SH2B2: variants seen among roughly 807,000 people sequenced by gnomAD.
SH2B2 encodes SH2B adapter protein 2.
Under a neutral mutation model 35.7 loss-of-function variants are expected in SH2B2, and 37 were observed. The ratio of observed to expected loss-of-function variants is 1.04; its 90% CI spans 0.80 to 1.36. The LOEUF (loss-of-function observed/expected upper bound fraction) is 1.36, where lower values mean the gene tolerates loss of function less well. Among genes scored for constraint, SH2B2 ranks in the 40% most tolerant of loss-of-function variants. SH2B2 has a pLI of 0.00. For missense variants in SH2B2, 852 were observed against 817.7 expected (o/e 1.04, Z -0.51); for synonymous variants, 383 against 376.4 (o/e 1.02, Z -0.20).
chr7:102,285,745 C>T (rs1792419144), upstream of SH2B2, among the ~76,000 whole-genome samples: 1 of 152,210 alleles, frequency 6.6e-6, no homozygotes, highest in African/African-American at 2.4e-5. Context: ...GAGGCAGCTC[C>T]GGCTGGCAAG....
At position 102,321,312 on chromosome 7, in the gene SH2B2, G is replaced by A; in HGVS notation, c.1581G>A (p.Thr527=). ...GCCTTGTTGCAGAGCCGGGCCCCACGCCCCCTGCCGCGCCCGCGTCCCCGG... is the reference window on the plus strand; with the variant it reads ...GCCTTGTTGCAGAGCCGGGCCCCACACCCCCTGCCGCGCCCGCGTCCCCGG... The part of the protein sequence containing the change: ...AQDPPPEPGP[T]PPAAPASPAC... The change falls in exon 9 of 9, where the codon ACG becomes ACA. Residue 527 remains threonine, a synonymous_variant. Transcript: ENST00000444095. The A allele has an allele frequency of 7.1e-7, 1 of 1,415,338 alleles. No homozygotes were observed. Among genetic ancestry groups the A allele is most frequent in the Non-Finnish European group, 9.2e-7 (1 of 1,090,008 alleles). The allele number at this position is 1,415,338 out of a possible 1,614,324, so 87.7% of individuals were successfully genotyped here. A position where few individuals can be genotyped will look rare whatever the true frequency, so the allele number is the denominator to read the frequency against.
intron 1 of SH2B2, among the ~76,000 whole-genome samples, chr7:102,296,963 T>C (rs1474392881): frequency 2.0e-5 from 3 of 151,742 alleles, no homozygotes; most frequent in African/African-American, 7.3e-5. Context: ...TGGGAGACAC[T>C]GCAAGACTCT....
At chr7:102,320,613 T>G in intron 8 of SH2B2, 111 bp downstream of exon 8, 1 of 1,379,372 alleles carries the variant, frequency 7.2e-7, no homozygotes, top group Non-Finnish European at 9.7e-7. Flanking sequence ...TCCCATAGCC[T>G]CAGCCGTGTC....
intron 4 of SH2B2, among the ~76,000 whole-genome samples, chr7:102,313,217 C>T (rs1255701787): frequency 1.3e-4 from 19 of 147,960 alleles, no homozygotes; most frequent in African/African-American, 4.5e-4. Context: ...GAGGCCAAGG[C>T]GGGCAGATCA....
intron 1 of SH2B2, among the ~76,000 whole-genome samples, chr7:102,293,472 A>G (rs1367866313): frequency 7.1e-6 from 1 of 141,108 alleles, no homozygotes; most frequent in African/African-American, 3.1e-5. Flanking sequence ...GAGATGGGGA[A>G]AAAAAAAACA....
At chr7:102,308,780 C>T (rs1793500123) in intron 3 of SH2B2, 35 bp from the exon 4 acceptor site, 1 of 1,526,098 alleles carries the variant, frequency 6.6e-7, no homozygotes, top group Non-Finnish European at 9.1e-7. Flanking sequence ...CATCTGCTGA[C>T]CGTGTTCTGC....
Position 102,321,398 on chromosome 7 carries a change from C to G in SH2B2, c.1667C>G (p.Pro556Arg). 7.3e-7 allele frequency: 1 copy of G among 1,373,916 alleles called. No homozygotes were observed. Among genetic ancestry groups the G allele is most frequent in the Non-Finnish European group, 9.4e-7 (1 of 1,062,494 alleles). 85.1% of individuals were successfully genotyped at this position (1,373,916 alleles called of 1,614,324 possible). A position where few individuals can be genotyped will look rare whatever the true frequency, so the allele number is the denominator to read the frequency against. ...TCCAGCCTCGCCGCGGCCGCCTGCC[C>G]GCCTGCCTCGCCCTCCGACGCCGCC... is the stretch of plus-strand genomic sequence containing the variant. ...YFSSLAAAAC[P>R]PASPSDAAGA... The change falls in exon 9 of 9, where the codon CCG becomes CGG. Residue 556 changes from proline (P) to arginine (R), a missense_variant. Physicochemically the swap from Pro to Arg is moderately radical, Grantham distance 103. This residue lies in a region of SH2B2 where 556 missense variants were observed against 514.5 expected (regional missense o/e 1.08). Transcript: ENST00000444095.
chr7:102,295,637 A>T (rs1554552418), intron 1 of SH2B2, among the ~76,000 whole-genome samples: 1 of 152,208 alleles, frequency 6.6e-6, no homozygotes, highest in Non-Finnish European at 1.5e-5. Context: ...TATAACTGGC[A>T]CCATGCAAGA....
intron 1 of SH2B2, chr7:102,293,013 G>GGGTGCCAGCTGGAGGTGGGC (rs1792737123): frequency 6.5e-6 from 1 of 153,052 alleles, no homozygotes; most frequent in South Asian, 2.1e-4. Context: ...AGGAGGTGGG[G>GGGTGCCAGCTGGAGGTGGGC]GGTGCCAGCT....
In SH2B2 at chr7:102,317,339, A is replaced by G. The variant is rs781811152; in HGVS notation, c.1339A>G (p.Ser447Gly). ...RNHGLFVIRQ[S>G]ETRPGEYVLT... is the part of the protein sequence containing the mutation. ...CCACGGCCTCTTCGTGATCCGCCAA[A>G]GTGAGACTCGGCCTGGGGAGTACGT... is the stretch of plus-strand genomic sequence containing the variant. The change falls in exon 7 of 9, where the codon AGT (serine) becomes GGT (glycine). Residue 447 changes from serine (S) to glycine (G), a missense_variant. Ser to Gly is a moderately conservative substitution (Grantham distance 56, BLOSUM62 0). This residue lies in a region of SH2B2 where 556 missense variants were observed against 514.5 expected (regional missense o/e 1.08). Coordinates refer to ENST00000444095, the MANE Select transcript of SH2B2 (RefSeq NM_001359228.2). 2 of 1,611,590 alleles carry G rather than the reference A, an allele frequency of 1.2e-6. No homozygotes were observed. Among genetic ancestry groups the G allele is most frequent in the African/African-American group, 1.3e-5 (1 of 74,924 alleles).
rs782021609 is a variant in SH2B2, at chr7:102,320,410, G to A, written c.1475G>A (p.Arg492His). ...LWFQSVLDML[R>H]HFHTHPIPLE... Reference sequence around the variant, plus strand: ...TTCCAGTCTGTGCTTGACATGCTCCGCCACTTCCACACACACCCCATCCCA... The same window carrying A: ...TTCCAGTCTGTGCTTGACATGCTCCACCACTTCCACACACACCCCATCCCA... The change falls in exon 8 of 9, where the codon CGC (arginine) becomes CAC (histidine). Residue 492 changes from arginine (R) to histidine (H), a missense_variant. Around this residue, in one of 3 missense-constraint regions of SH2B2, gnomAD observed 556 missense variants for 514.5 expected, o/e 1.08. Transcript: ENST00000444095. 1.3e-5 allele frequency: 21 copies of A among 1,613,372 alleles called. No individual in the cohort carries two copies. Among genetic ancestry groups the A allele is most frequent in the Middle Eastern group, 1.6e-4 (1 of 6,084 alleles).
chr7:102,294,071 C>A (rs1429058596), intron 1 of SH2B2, among the ~76,000 whole-genome samples: 1 of 152,176 alleles, frequency 6.6e-6, no homozygotes, highest in Non-Finnish European at 1.5e-5. Context: ...CGCTCTGTTG[C>A]CCAGGCTGGA....
intron 6 of SH2B2, among the ~76,000 whole-genome samples, chr7:102,315,763 G>GAAA (rs1793806346): frequency 2.5e-5 from 1 of 40,170 alleles, no homozygotes; most frequent in African/African-American, 7.9e-5. Context: ...AAAAAAAAAA[G>GAAA]AAAAGAAAAG....
intron 4 of SH2B2, among the ~76,000 whole-genome samples, chr7:102,312,597 GACC>G (rs1472186927): frequency 6.6e-6 from 1 of 152,188 alleles, no homozygotes; most frequent in Non-Finnish European, 1.5e-5. Flanking sequence ...GGGGTCTTAT[GACC>G]TACAGTCAAA....
rs921762851 is a variant in SH2B2 at position 102,317,354 on chromosome 7, G to T, written c.1354G>T (p.Gly452Trp). ...FVIRQSETRPGEYVLTFNFQG... is the reference protein window; with the variant it reads ...FVIRQSETRPWEYVLTFNFQG... ...GATCCGCCAAAGTGAGACTCGGCCT[G>T]GGGAGTACGTGCTGACCTTCAACTT... Residue 452 changes from glycine (G) to tryptophan (W), a missense_variant, in exon 7 of 9, where the codon GGG becomes TGG. Gly to Trp is a radical substitution (Grantham distance 184). Coordinates refer to ENST00000444095, the MANE Select transcript of SH2B2 (RefSeq NM_001359228.2). The T allele has an allele frequency of 1.2e-6, 2 of 1,606,234 alleles. No individual in the cohort carries two copies. The highest frequency in any genetic ancestry group is 2.7e-5 in the African/African-American group (2 of 74,810).
intron 1 of SH2B2, among the ~76,000 whole-genome samples, chr7:102,293,557 G>A (rs1270662571): frequency 6.6e-6 from 1 of 151,816 alleles, no homozygotes; most frequent in Non-Finnish European, 1.5e-5. Flanking sequence ...GTAATGGATG[G>A]GGGGAGGGTG....
At chr7:102,287,783 G>A (rs782278954) in intron 1 of SH2B2, among the ~76,000 whole-genome samples, 22 of 152,188 alleles carry the variant, frequency 1.4e-4, no homozygotes, top group Admixed American at 8.5e-4. Flanking sequence ...GGCTGAAGCC[G>A]GGCAGAGGCA....
chr7:102,300,513 C>A lies in SH2B2; in HGVS notation c.-29-9C>A. 1.3e-6 allele frequency: 2 copies of A among 1,524,526 alleles called. No homozygotes were observed. Among genetic ancestry groups the A allele is most frequent in the Non-Finnish European group, 8.8e-7 (1 of 1,139,590 alleles). The allele number at this position is 1,524,526 out of a possible 1,614,324, so 94.4% of individuals were successfully genotyped here. ...CCTGAAAGTCACTGCGCGCTCTTCT[C>A]GCCCGAAGCCGCAGGTGGCTGCGAT... On this transcript the variant is annotated splice_polypyrimidine_tract_variant and intron_variant, in intron 1 of 8. Coordinates refer to ENST00000444095, the MANE Select transcript of SH2B2 (RefSeq NM_001359228.2).
intron 1 of SH2B2, among the ~76,000 whole-genome samples, chr7:102,288,232 T>G (rs902286800): frequency 1.6e-4 from 25 of 151,928 alleles, no homozygotes; most frequent in African/African-American, 5.8e-4. Flanking sequence ...ACCTCTTCCC[T>G]CCTGGCCTCC....
Sources: allele counts gnomAD v4.1 joint callset (sites outside exome capture counted in the v4.1 genomes callset), GRCh38; gene constraint gnomAD v4.1.1; regional missense constraint gnomAD v4.1.1; transcripts MANE v1.5; gene names NCBI Gene and HGNC (gene_info 2026-07-23, HGNC 2026-07-21).